Variants in ARMC7 observed in about 807,000 individuals in gnomAD.
The protein encoded by ARMC7 is armadillo repeat containing 7.
Under a neutral mutation model 14.8 loss-of-function variants are expected in ARMC7, and 9 were observed. The observed-to-expected ratio is 0.61, with a 90% CI of 0.37 to 1.06. The LOEUF is 1.06. Among genes scored for constraint, ARMC7 ranks in the 50% least tolerant of loss-of-function variants. The pLI is 0.01. For missense variants in ARMC7, 262 were observed against 267.1 expected, an observed-to-expected ratio of 0.98 and a Z score of 0.13; for synonymous variants, 125 against 123.4, an observed-to-expected ratio of 1.01 and a Z score of -0.09.
intron 2 of ARMC7, among the ~76,000 whole-genome samples, chr17:75,111,166 C>T (rs2073919605): frequency 2.0e-5 from 3 of 150,872 alleles, no homozygotes; most frequent in South Asian, 2.1e-4. Context: ...TAGCCGGGCG[C>T]GGTGGCACAC....
chr17:75,126,919 G>T (rs1021818440), intron 2 of ARMC7, among the ~76,000 whole-genome samples: 1 of 151,972 alleles, frequency 6.6e-6, no homozygotes, highest in African/African-American at 2.4e-5. Context: ...AAATTTAGCC[G>T]GGCATGGTGG....
In ARMC7 at chr17:75,110,195, A is replaced by G. The variant is rs957127077; in HGVS notation, c.-94A>G. The G allele has an allele frequency of 3.3e-6, 4 of 1,217,568 alleles. No homozygotes were observed. Among genetic ancestry groups the G allele is most frequent in the Non-Finnish European group, 4.5e-6 (4 of 890,160 alleles). 75.4% of individuals were successfully genotyped at this position (1,217,568 alleles called of 1,614,324 possible). On this transcript the variant is annotated 5_prime_UTR_variant, in exon 1 of 3. Transcript: ENST00000245543. ...TGCCGACCCCCTCTTCCCTCTCCAG[A>G]CAGGTGGAGAGCGGGTGAGGGTCTC...
chr17:75,126,378 C>T (rs1414576790), intron 2 of ARMC7, among the ~76,000 whole-genome samples: 1 of 152,144 alleles, frequency 6.6e-6, no homozygotes, highest in Non-Finnish European at 1.5e-5. Context: ...GATCCAGAAC[C>T]ACTGATCTGT....
chr17:75,129,253 G>A lies in ARMC7; in HGVS notation c.*215G>A, dbSNP rs749439303. 1.8e-5 allele frequency: 12 copies of A among 663,504 alleles called. No individual in the cohort carries two copies. Among genetic ancestry groups the A allele is most frequent in the African/African-American group, 3.6e-5 (2 of 55,148 alleles). 41.1% of individuals were successfully genotyped at this position (663,504 alleles called of 1,614,324 possible). A position where few individuals can be genotyped will look rare whatever the true frequency, so the allele number is the denominator to read the frequency against. ...ACACGGAGAAGATCAAACTGGAGCT[G>A]CGTTCATAGGCTGGCACTCTCAATC... On this transcript the variant is annotated 3_prime_UTR_variant, in exon 3 of 3. Transcript: ENST00000245543.
chr17:75,118,861 C>G (rs1240791872), intron 2 of ARMC7, among the ~76,000 whole-genome samples: 1 of 152,196 alleles, frequency 6.6e-6, no homozygotes, highest in Non-Finnish European at 1.5e-5. Context: ...TTGTACATAT[C>G]GGGAACCCCC....
At chr17:75,111,967 G>C (rs2073926980) in intron 2 of ARMC7, among the ~76,000 whole-genome samples, 2 of 151,470 alleles carry the variant, frequency 1.3e-5, no homozygotes, top group South Asian at 4.1e-4. Flanking sequence ...TTACATTCTA[G>C]TAGGGGGGAC....
At chr17:75,114,610 G>A in intron 2 of ARMC7, 2 of 395,928 alleles carry the variant, frequency 5.1e-6, no homozygotes, top group Non-Finnish European at 8.9e-6. Flanking sequence ...GAGCAGAAGT[G>A]TGTCTGTGCA....
At chr17:75,113,499 C>T (rs1422919467) in intron 2 of ARMC7, among the ~76,000 whole-genome samples, 1 of 150,676 alleles carries the variant, frequency 6.6e-6, no homozygotes, top group African/African-American at 2.4e-5. Flanking sequence ...GGATTACAGG[C>T]GCCCCCCCAC....
At position 75,113,365 on chromosome 17, in the gene ARMC7, T is replaced by TTTATTTA. The variant is rs1568014541; in HGVS notation, c.235+2761_235+2762insATTTATT. On this transcript the variant is annotated intron_variant, in intron 2 of 2. Transcript: ENST00000245543. ...AAAAATACTTTTTATTTATTTATTTTTTTTTTTGAGATGGAGTCTTGCTCT... is the reference window on the plus strand; with the variant it reads ...AAAAATACTTTTTATTTATTTATTTTTTATTTATTTTTTTGAGATGGAGTCTTGCTCT... Among the ~76,000 whole-genome samples the TTTATTTA allele has an allele frequency of 5.1e-3, 765 of 149,400 alleles. 7 individuals are homozygous for TTTATTTA. The highest frequency in any genetic ancestry group is 0.018 in the African/African-American group (725 of 40,528).
intron 2 of ARMC7, among the ~76,000 whole-genome samples, chr17:75,121,694 G>GT (rs2074014946): frequency 6.6e-6 from 1 of 152,176 alleles, no homozygotes; most frequent in South Asian, 2.1e-4. Flanking sequence ...GATTACAGGT[G>GT]TGAGCCACTG....
chr17:75,130,117 G>A lies in ARMC7; in HGVS notation c.*1079G>A. ...CAAAAATGGTACCCACGTGGGCATG[G>A]AAATGGGGCAGATTAGGGGACCACT... On this transcript the variant is annotated 3_prime_UTR_variant, in exon 3 of 3. Coordinates refer to ENST00000245543, the MANE Select transcript of ARMC7 (RefSeq NM_024585.4). 5.0e-6 allele frequency: 1 copy of A among 200,068 alleles called. No homozygotes were observed. The highest frequency in any genetic ancestry group is 1.0e-5 in the Non-Finnish European group (1 of 96,744). 12.4% of individuals were successfully genotyped at this position (200,068 alleles called of 1,614,324 possible). A position where few individuals can be genotyped will look rare whatever the true frequency, so the allele number is the denominator to read the frequency against.
intron 2 of ARMC7, among the ~76,000 whole-genome samples, chr17:75,111,658 A>G (rs1215266374): frequency 6.6e-6 from 1 of 151,494 alleles, no homozygotes; most frequent in Non-Finnish European, 1.5e-5. Context: ...GGATTGCTTA[A>G]GCCTGGGAGG....
At chr17:75,127,109 C>A (rs1229502170) in intron 2 of ARMC7, among the ~76,000 whole-genome samples, 1 of 151,138 alleles carries the variant, frequency 6.6e-6, no homozygotes, top group East Asian at 2.0e-4. Flanking sequence ...GTGGTGCATG[C>A]CTGGAGTCAG....
intron 2 of ARMC7, among the ~76,000 whole-genome samples, chr17:75,119,799 C>T (rs912317102): frequency 2.4e-4 from 37 of 152,064 alleles, no homozygotes; most frequent in African/African-American, 8.9e-4. Context: ...TTCAGCTCAG[C>T]ATGGGCGAGT....
rs1354280233 is a variant in ARMC7, at chr17:75,129,938, A to G, written c.*900A>G. 6.5e-6 allele frequency: 1 copy of G among 153,554 alleles called. No individual in the cohort carries two copies. Among genetic ancestry groups the G allele is most frequent in the Non-Finnish European group, 1.4e-5 (1 of 69,022 alleles). 9.5% of individuals were successfully genotyped at this position (153,554 alleles called of 1,614,324 possible). On this transcript the variant is annotated 3_prime_UTR_variant, in exon 3 of 3. Coordinates refer to ENST00000245543, the MANE Select transcript of ARMC7 (RefSeq NM_024585.4). ...GGGAGTCAGGAAGAGACGGCAACGT[A>G]AAGGATGTGGCTCCATGTCCATGGT...
At position 75,115,928 on chromosome 17, in the gene ARMC7, C is replaced by A. The variant is rs114075282; in HGVS notation, c.235+5322C>A. On this transcript the variant is annotated intron_variant, in intron 2 of 2. Transcript: ENST00000245543. The stretch of plus-strand genomic sequence containing the variant: ...CCATAGATAGGATTCCCTTGGTTGC[C>A]ATCCAAAGACAAATACCCAAAACCC... Among the ~76,000 whole-genome samples, 1,310 of 152,284 alleles carry A rather than the reference C, an allele frequency of 8.6e-3. 21 individuals are homozygous for A. The highest frequency in any genetic ancestry group is 0.03 in the African/African-American group (1,257 of 41,550).
chr17:75,115,911 A>G (rs1441230906), intron 2 of ARMC7, among the ~76,000 whole-genome samples: 1 of 152,208 alleles, frequency 6.6e-6, no homozygotes, highest in Non-Finnish European at 1.5e-5. Flanking sequence ...AGCCATAGAT[A>G]GGATTCCCTT....
chr17:75,110,953 CAAA>C (rs537195116), intron 2 of ARMC7, among the ~76,000 whole-genome samples: 84 of 49,810 alleles, frequency 1.7e-3, no homozygotes, highest in Non-Finnish European at 2.1e-3. Flanking sequence ...GACCCCGTCT[CAAA>C]AAAAAAAAAA....
rs758474050 is a variant in ARMC7 at position 75,128,894 on chromosome 17, G to A, written c.453G>A (p.Ser151=). 8.7e-5 allele frequency: 140 copies of A among 1,610,824 alleles called. No homozygotes were observed. The East Asian group carries it at 2.8e-3, about 33-fold the overall frequency. ...VVQCMLRFSL[S]ASARLRNLAQ... ...AGTGCATGCTTCGCTTCTCCCTCTC[G>A]GCCAGCGCCAGGCTCCGGAACCTGG... Residue 151 remains serine, a synonymous_variant, in exon 3 of 3, where the codon TCG becomes TCA. Transcript: ENST00000245543.
Sources: allele counts gnomAD v4.1 joint callset (sites outside exome capture counted in the v4.1 genomes callset), GRCh38; gene constraint gnomAD v4.1.1; transcripts MANE v1.5; gene names NCBI Gene and HGNC (gene_info 2026-07-23, HGNC 2026-07-21).